Variants in TRIM33 observed in about 807,000 individuals in gnomAD.
TRIM33 encodes tripartite motif containing 33.
Under a neutral mutation model 125.4 loss-of-function variants are expected in TRIM33, and 20 were observed. The observed-to-expected ratio is 0.16, with a 90% CI of 0.11 to 0.23. The LOEUF is 0.23. Ranked by LOEUF, TRIM33 falls within the 10% of genes least tolerant of loss-of-function variation. The pLI is 1.00. For synonymous variants in TRIM33, 564 were observed against 513.9 expected (o/e 1.10, Z -1.32); for missense variants, 920 against 1,411.4 (o/e 0.65, Z 5.58).
intron 15 of TRIM33, 143 bp from the exon 16 acceptor site, chr1:114,403,026 G>A: frequency 1.3e-6 from 1 of 799,980 alleles, no homozygotes; most frequent in Non-Finnish European, 1.9e-6. Context: ...AATCTCGTCA[G>A]GTGAAGTCAT....
chr1:114,398,911 A>AAAC (rs1553204375), intron 18 of TRIM33, among the ~76,000 whole-genome samples: 10 of 148,962 alleles, frequency 6.7e-5, no homozygotes, highest in East Asian at 4.0e-4. Context: ...AAAAAAAAAA[A>AAAC]AAAACAAAAC....
chr1:114,482,364 T>C (rs1016289085), intron 1 of TRIM33, among the ~76,000 whole-genome samples: 3 of 151,898 alleles, frequency 2.0e-5, no homozygotes, highest in African/African-American at 7.3e-5. Context: ...TAGGACGAAA[T>C]AAAGATCAGA....
chr1:114,472,666 C>G (rs1342091873), intron 1 of TRIM33, among the ~76,000 whole-genome samples: 1 of 152,062 alleles, frequency 6.6e-6, no homozygotes, highest in Non-Finnish European at 1.5e-5. Context: ...TGAGGTCAAG[C>G]TGCAGTGAGC....
chr1:114,410,829 G>T (rs866689397), intron 11 of TRIM33, among the ~76,000 whole-genome samples: 8 of 151,430 alleles, frequency 5.3e-5, no homozygotes, highest in African/African-American at 1.9e-4. Flanking sequence ...CCCTTACTTA[G>T]AGGCAGTACG....
intron 1 of TRIM33, among the ~76,000 whole-genome samples, chr1:114,507,415 G>C (rs575190644): frequency 6.6e-6 from 1 of 152,294 alleles, no homozygotes; most frequent in Non-Finnish European, 1.5e-5. Context: ...AAGAGAAACA[G>C]GAAAAGGCCA....
At chr1:114,499,228 G>C (rs947567060) in intron 1 of TRIM33, among the ~76,000 whole-genome samples, 2 of 152,138 alleles carry the variant, frequency 1.3e-5, no homozygotes, top group Non-Finnish European at 2.9e-5. Context: ...TATACTCTTA[G>C]TGACTCTTCT....
chr1:114,437,412 C>G (rs1261892474), intron 4 of TRIM33, among the ~76,000 whole-genome samples: 3 of 152,176 alleles, frequency 2.0e-5, no homozygotes, highest in African/African-American at 7.2e-5. Context: ...GATTTCGGCT[C>G]ACTGCAACTT....
chr1:114,471,976 T>C (rs930798996), intron 1 of TRIM33, among the ~76,000 whole-genome samples: 7 of 152,340 alleles, frequency 4.6e-5, no homozygotes, highest in African/African-American at 1.7e-4. Context: ...AAGCTATATA[T>C]ATCTTTAGTT....
At chr1:114,444,494 A>G (rs182855089) in intron 4 of TRIM33, among the ~76,000 whole-genome samples, 1 of 152,272 alleles carries the variant, frequency 6.6e-6, no homozygotes, top group East Asian at 1.9e-4. Context: ...AAAGGACTAT[A>G]CCCTGGAGTA....
At chr1:114,479,591 G>A (rs950727263) in intron 1 of TRIM33, among the ~76,000 whole-genome samples, 2 of 152,150 alleles carry the variant, frequency 1.3e-5, no homozygotes, top group African/African-American at 4.8e-5. Flanking sequence ...GTCACACTTA[G>A]CATATTTGTA....
At chr1:114,465,916 G>A (rs953367606) in intron 1 of TRIM33, among the ~76,000 whole-genome samples, 3 of 151,834 alleles carry the variant, frequency 2.0e-5, no homozygotes, top group Admixed American at 6.6e-5. Context: ...GGTGGCACGC[G>A]CCTGTATTCC....
At chr1:114,438,477 C>A (rs536334747) in intron 4 of TRIM33, among the ~76,000 whole-genome samples, 1 of 152,134 alleles carries the variant, frequency 6.6e-6, no homozygotes, top group African/African-American at 2.4e-5. Context: ...GTGAAGAAAA[C>A]TCCAAACATC....
chr1:114,426,688 G>A (rs999714351), intron 8 of TRIM33, among the ~76,000 whole-genome samples: 3 of 151,784 alleles, frequency 2.0e-5, no homozygotes, highest in African/African-American at 7.3e-5. Context: ...TGGTCTTTAG[G>A]TCCATACTAC....
chr1:114,495,097 T>C (rs1395675864), intron 1 of TRIM33, among the ~76,000 whole-genome samples: 1 of 152,134 alleles, frequency 6.6e-6, no homozygotes, highest in Admixed American at 6.5e-5. Context: ...TATTTTTAGG[T>C]AGAGATGGGA....
Position 114,498,027 on chromosome 1 carries a change from C to CT in TRIM33, c.526+12523dup, listed in dbSNP as rs564249498. On this transcript the variant is annotated intron_variant, in intron 1 of 19. Transcript: ENST00000358465. Reference sequence around the variant, plus strand: ...TCTATAATTCCAGCTACTCCAGAGGCTGAGGCAGGAGAATCACTTGAATCC... The same window carrying CT: ...TCTATAATTCCAGCTACTCCAGAGGCTTGAGGCAGGAGAATCACTTGAATCC... Among the ~76,000 whole-genome samples, 894 of 150,532 alleles carry CT rather than the reference C, an allele frequency of 5.9e-3. 6 individuals carry two copies. The highest frequency in any genetic ancestry group is 0.01 in the Middle Eastern group (3 of 292).
chr1:114,447,129 C>G (rs1296138577), intron 4 of TRIM33, among the ~76,000 whole-genome samples: 1 of 152,090 alleles, frequency 6.6e-6, no homozygotes, highest in Non-Finnish European at 1.5e-5. Flanking sequence ...GGGAGTGATA[C>G]AGCCCAACTT....
At chr1:114,472,915 T>A (rs1239771120) in intron 1 of TRIM33, among the ~76,000 whole-genome samples, 1 of 151,592 alleles carries the variant, frequency 6.6e-6, no homozygotes, top group Non-Finnish European at 1.5e-5. Context: ...TGATTAACAA[T>A]GAGCTGAGCA....
chr1:114,487,077 ACT>A lies in TRIM33; in HGVS notation c.527-22691_527-22690del, dbSNP rs560734041. ...ACACCAGCCTGGGCAACAGAGCAAG[ACT>A]CTGTCTCAAAAAAAAAAAAAAAATT... On this transcript the variant is annotated intron_variant, in intron 1 of 19. Coordinates refer to ENST00000358465, the MANE Select transcript of TRIM33 (RefSeq NM_015906.4). Among the ~76,000 whole-genome samples, 1,025 of 146,206 alleles carry A rather than the reference ACT, an allele frequency of 7.0e-3. 3 individuals carry two copies. The highest frequency in any genetic ancestry group is 0.011 in the Non-Finnish European group (710 of 66,968).
At chr1:114,498,720 GCAAGAAAA>G (rs1231699336) in intron 1 of TRIM33, among the ~76,000 whole-genome samples, 1 of 152,032 alleles carries the variant, frequency 6.6e-6, no homozygotes, top group Non-Finnish European at 1.5e-5. Context: ...TGTCAGTGGA[GCAAGAAAA>G]CAAAGGGAAG....
Sources: allele counts gnomAD v4.1 joint callset (sites outside exome capture counted in the v4.1 genomes callset), GRCh38; gene constraint gnomAD v4.1.1; transcripts MANE v1.5; gene names NCBI Gene and HGNC (gene_info 2026-07-23, HGNC 2026-07-21).